SYBU: variants seen among roughly 807,000 people sequenced by gnomAD.
SYBU encodes the protein syntabulin.
In SYBU, 21 loss-of-function variants were observed where a neutral mutation model predicts 35.9. The ratio of observed to expected loss-of-function variants is 0.58; its 90% CI spans 0.41 to 0.84. SYBU has a LOEUF of 0.84. Among genes scored for constraint, SYBU ranks in the 40% least tolerant of loss-of-function variants. The pLI is 0.00. For missense variants in SYBU, 768 were observed against 848.2 expected (o/e 0.91, Z 1.17); for synonymous variants, 319 against 324.3 (o/e 0.98, Z 0.18).
intron 1 of SYBU, among the ~76,000 whole-genome samples, chr8:109,673,944 A>C (rs545955988): frequency 1.3e-5 from 2 of 152,214 alleles, no homozygotes; most frequent in Non-Finnish European, 2.9e-5. Flanking sequence ...ATTGAAGATC[A>C]ACTTAATGAA....
intron 1 of SYBU, among the ~76,000 whole-genome samples, chr8:109,678,433 CCT>C (rs1491093687): frequency 1.9e-4 from 24 of 123,888 alleles, no homozygotes; most frequent in Non-Finnish European, 3.4e-4. Flanking sequence ...TTTCAAATAA[CCT>C]TTTTTTTTTT....
chr8:109,615,877 A>G (rs1237258173), intron 3 of SYBU, among the ~76,000 whole-genome samples: 1 of 152,110 alleles, frequency 6.6e-6, no homozygotes, highest in Non-Finnish European at 1.5e-5. Context: ...ATGGGTCCAT[A>G]GTTTTAATGA....
In SYBU at chr8:109,577,969, G is replaced by A. The variant is rs1345233278; in HGVS notation, c.783C>T (p.Pro261=). The change falls in exon 6 of 7, where the codon CCC becomes CCT. Residue 261 remains proline, a synonymous_variant. Transcript: ENST00000276646. The stretch of plus-strand genomic sequence containing the variant: ...GAGTCAAATACTGCTCTGGGTTTGG[G>A]GGTCTGACACCATGATTTTCACCGC... ...MSCGENHGVR[P]PNPEQYLTPL... is the part of the protein sequence containing the mutation. 1.9e-6 allele frequency: 3 copies of A among 1,613,818 alleles called. No homozygotes were observed. In the South Asian group the frequency reaches 3.3e-5, roughly 18 times the overall value.
chr8:109,589,555 A>G (rs1164897632), intron 3 of SYBU, among the ~76,000 whole-genome samples: 6 of 152,222 alleles, frequency 3.9e-5, no homozygotes, highest in African/African-American at 1.4e-4. Context: ...CCAACTCTCA[A>G]GAACCTATGC....
intron 2 of SYBU, among the ~76,000 whole-genome samples, chr8:109,634,529 T>G (rs1813994842): frequency 6.6e-6 from 1 of 152,256 alleles, no homozygotes; most frequent in Non-Finnish European, 1.5e-5. Flanking sequence ...GTTCTCATAA[T>G]TTCTACCAAA....
intron 1 of SYBU, among the ~76,000 whole-genome samples, chr8:109,672,212 T>G (rs186104832): frequency 2.0e-5 from 3 of 152,086 alleles, no homozygotes; most frequent in Non-Finnish European, 4.4e-5. Context: ...AAATACATTA[T>G]GTAATTTAAA....
At chr8:109,587,581 A>T (rs1045048246) in intron 3 of SYBU, among the ~76,000 whole-genome samples, 16 of 152,200 alleles carry the variant, frequency 1.1e-4, no homozygotes, top group African/African-American at 3.1e-4. Context: ...TAGGTACAAG[A>T]TGTGGCCAGA....
At chr8:109,656,463 T>C (rs558172422) in intron 1 of SYBU, among the ~76,000 whole-genome samples, 106 of 152,356 alleles carry the variant, frequency 7.0e-4, no homozygotes, top group Non-Finnish European at 1.2e-3. Flanking sequence ...ATCTTCTGTT[T>C]GTCATTTTTC....
At chr8:109,658,317 C>T (rs902086307) in intron 1 of SYBU, among the ~76,000 whole-genome samples, 1 of 152,160 alleles carries the variant, frequency 6.6e-6, no homozygotes. Flanking sequence ...TTTGCCTGTC[C>T]TATTTTTCTG....
chr8:109,672,092 A>T (rs1272405033), intron 1 of SYBU, among the ~76,000 whole-genome samples: 1 of 151,960 alleles, frequency 6.6e-6, no homozygotes, highest in East Asian at 1.9e-4. Flanking sequence ...GTAGAGATGG[A>T]GTTTCTCCAT....
chr8:109,687,968 A>T (rs977408366), intron 1 of SYBU, among the ~76,000 whole-genome samples: 4 of 152,202 alleles, frequency 2.6e-5, no homozygotes, highest in African/African-American at 9.6e-5. Context: ...CTAGAGGTAC[A>T]TTTTTAATTT....
chr8:109,674,723 A>G (rs181944373), intron 1 of SYBU, among the ~76,000 whole-genome samples: 164 of 152,340 alleles, frequency 1.1e-3, no homozygotes, highest in African/African-American at 3.6e-3. Context: ...TCTCAATATT[A>G]TAGAGATCAA....
At chr8:109,593,882 G>A (rs574831728) in intron 3 of SYBU, among the ~76,000 whole-genome samples, 5 of 152,292 alleles carry the variant, frequency 3.3e-5, no homozygotes, top group Admixed American at 1.3e-4. Context: ...TACATCCACC[G>A]TGGTCATAAA....
intron 4 of SYBU, chr8:109,585,838 G>T (rs886591404): frequency 1.3e-5 from 7 of 546,808 alleles, no homozygotes; most frequent in African/African-American, 1.9e-5. Context: ...GGGTTGGATG[G>T]GAGACAGCCA....
chr8:109,605,558 T>A (rs904998617), intron 3 of SYBU, among the ~76,000 whole-genome samples: 4 of 152,156 alleles, frequency 2.6e-5, no homozygotes, highest in Non-Finnish European at 5.9e-5. Context: ...AAGAAGAGAA[T>A]ATGCCAGAAG....
intron 1 of SYBU, among the ~76,000 whole-genome samples, chr8:109,661,236 G>C (rs867839437): frequency 6.6e-6 from 1 of 152,190 alleles, no homozygotes; most frequent in African/African-American, 2.4e-5. Flanking sequence ...TTAAGATGAA[G>C]TCTGTGGTCT....
intron 1 of SYBU, among the ~76,000 whole-genome samples, chr8:109,675,837 A>G (rs1817168551): frequency 6.6e-6 from 1 of 152,182 alleles, no homozygotes; most frequent in Non-Finnish European, 1.5e-5. Flanking sequence ...ACACAACAAA[A>G]AAAGAAAATT....
intron 2 of SYBU, 104 bp downstream of exon 2, chr8:109,642,624 A>C: frequency 1.6e-6 from 1 of 627,512 alleles, no homozygotes; most frequent in Non-Finnish European, 2.5e-6. Flanking sequence ...TCCTAATAGT[A>C]GAAGTGTAGT....
intron 3 of SYBU, among the ~76,000 whole-genome samples, chr8:109,618,481 G>A (rs1056246141): frequency 5.3e-5 from 8 of 152,186 alleles, no homozygotes; most frequent in African/African-American, 1.4e-4. Context: ...TTCTCTTCAC[G>A]GTTTGTGGTC....
Sources: allele counts gnomAD v4.1 joint callset (sites outside exome capture counted in the v4.1 genomes callset), GRCh38; gene constraint gnomAD v4.1.1; transcripts MANE v1.5; gene names NCBI Gene and HGNC (gene_info 2026-07-23, HGNC 2026-07-21).